The following DNAH8 variants were observed in gnomAD, a reference collection of about 807,000 sequenced individuals.
DNAH8 encodes the protein axonemal beta dynein heavy chain 8.
A neutral mutation model predicts 562.1 loss-of-function variants in DNAH8; 382 were observed. That is an observed-to-expected ratio of 0.68 (90% CI 0.63 to 0.74). The LOEUF (loss-of-function observed/expected upper bound fraction) is 0.74. DNAH8 is among the 30% of genes least tolerant of loss of function. The pLI is 0.00. For missense variants in DNAH8, 5,203 were observed against 5,620.4 expected (o/e 0.93, Z 2.37); for synonymous variants, 1,881 against 1,919.4 (o/e 0.98, Z 0.52).
intron 88 of DNAH8, among the ~76,000 whole-genome samples, chr6:38,996,539 C>T (rs918333498): frequency 1.3e-5 from 2 of 152,210 alleles, no homozygotes; most frequent in African/African-American, 4.8e-5. Context: ...AAAAGACAAG[C>T]TCTCTGCCAT....
intron 7 of DNAH8, among the ~76,000 whole-genome samples, chr6:38,740,436 GT>G (rs955331061): frequency 1.3e-5 from 2 of 152,084 alleles, no homozygotes; most frequent in African/African-American, 2.4e-5. Flanking sequence ...TTAATTTCTA[GT>G]TATCTTATCA....
intron 89 of DNAH8, 115 bp from the exon 90 acceptor site, chr6:39,012,100 T>A: frequency 1.5e-6 from 1 of 683,986 alleles, no homozygotes; most frequent in South Asian, 2.9e-5. Context: ...TAGAATTCAT[T>A]TGGGCTGGTA....
chr6:38,808,482 C>G (rs914795988), intron 24 of DNAH8, among the ~76,000 whole-genome samples: 1 of 152,190 alleles, frequency 6.6e-6, no homozygotes, highest in Non-Finnish European at 1.5e-5. Context: ...TGTTGTTTCT[C>G]TTCCTTAAAA....
At chr6:39,029,814 G>C (rs1360953783) in intron 92 of DNAH8, among the ~76,000 whole-genome samples, 2 of 152,138 alleles carry the variant, frequency 1.3e-5, no homozygotes, top group Admixed American at 1.3e-4. Context: ...CCTCCCTATA[G>C]AGGTGATCTG....
intron 91 of DNAH8, among the ~76,000 whole-genome samples, chr6:39,014,080 G>A (rs1766408899): frequency 6.6e-6 from 1 of 151,982 alleles, no homozygotes; most frequent in Non-Finnish European, 1.5e-5. Flanking sequence ...ATTGTCCTTT[G>A]TATACATACA....
chr6:39,022,759 G>A (rs930340697), intron 91 of DNAH8, among the ~76,000 whole-genome samples: 1 of 152,226 alleles, frequency 6.6e-6, no homozygotes, highest in Non-Finnish European at 1.5e-5. Context: ...AAGGGCCTGG[G>A]AGGGAGGGCC....
chr6:39,026,663 C>T lies in DNAH8; in HGVS notation c.13832C>T (p.Pro4611Leu). 1 of 1,613,174 alleles carries T rather than the reference C, an allele frequency of 6.2e-7. No individual in the cohort carries two copies. The highest frequency in any genetic ancestry group is 8.5e-7 in the Non-Finnish European group (1 of 1,179,876). ...RQTKEEITSP[P>L]GEGVYIYGLY... ...ACCAAGGAGGAGATCACGTCACCCC[C>T]TGGGGTAGGCGTTGCTGGGCAATAG... The change falls in exon 92 of 93, where the codon CCT becomes CTT. Residue 4611 changes from proline to leucine, a missense_variant. Physicochemically the swap from Pro to Leu is moderately conservative, Grantham distance 98 (BLOSUM62 -3). Around this residue, in one of 6 missense-constraint regions of DNAH8, gnomAD observed 1,399 missense variants for 1,518.4 expected, o/e 0.92. Transcript: ENST00000327475.
intron 79 of DNAH8, among the ~76,000 whole-genome samples, chr6:38,943,160 T>A (rs923061036): frequency 1.7e-4 from 26 of 152,198 alleles, no homozygotes; most frequent in African/African-American, 6.0e-4. Flanking sequence ...GGATGTGGCA[T>A]GAACAGAACA....
chr6:38,938,375 G>C, intron 78 of DNAH8, 149 bp downstream of exon 78: 1 of 909,966 alleles, frequency 1.1e-6, no homozygotes, highest in African/African-American at 1.7e-5. Flanking sequence ...ATAAAGAAAA[G>C]GTGGTACATA....
intron 18 of DNAH8, among the ~76,000 whole-genome samples, chr6:38,788,606 T>C (rs1247643933): frequency 1.3e-5 from 2 of 152,220 alleles, no homozygotes; most frequent in African/African-American, 4.8e-5. Flanking sequence ...TCTATTCAGA[T>C]CCTTTGCTCA....
chr6:38,923,864 TG>T, intron 72 of DNAH8, 126 bp from the exon 73 acceptor site: 1 of 1,087,316 alleles, frequency 9.2e-7, no homozygotes, highest in Non-Finnish European at 1.3e-6. Context: ...TTTCCATGCC[TG>T]GCTACCAAGC....
chr6:38,827,992 C>A (rs1186065740), intron 29 of DNAH8, among the ~76,000 whole-genome samples, 192 bp from the exon 30 acceptor site: 1 of 151,866 alleles, frequency 6.6e-6, no homozygotes, highest in Non-Finnish European at 1.5e-5. Context: ...GATTTCAGAG[C>A]CTGTGATCCA....
At chr6:38,995,141 G>C (rs1765055236) in intron 88 of DNAH8, among the ~76,000 whole-genome samples, 1 of 142,614 alleles carries the variant, frequency 7.0e-6, no homozygotes. Context: ...GTTGAATTTT[G>C]TTGAATACCT....
chr6:38,938,047 A>C lies in DNAH8; in HGVS notation c.11637A>C (p.Glu3879Asp). ...AGCAGACAGCAGCTGAGGTAAGTGA[A>C]AAGTTGCATGTGGCTGCAGAAACTG... Reference protein sequence around the residue: ...TTKQTAAEVSEKLHVAAETEI... With the variant: ...TTKQTAAEVSDKLHVAAETEI... The change falls in exon 78 of 93, where the codon GAA becomes GAC. Residue 3879 changes from glutamate to aspartate, a missense_variant. Physicochemically the swap from Glu to Asp is conservative, Grantham distance 45. This residue lies in a region of DNAH8 where 1,399 missense variants were observed against 1,518.4 expected (regional missense o/e 0.92). Coordinates refer to ENST00000327475, the MANE Select transcript of DNAH8 (RefSeq NM_001206927.2). The C allele has an allele frequency of 6.2e-7, 1 of 1,614,064 alleles. No homozygotes were observed. The highest frequency in any genetic ancestry group is 8.5e-7 in the Non-Finnish European group (1 of 1,180,020).
At chr6:38,771,423 T>TA (rs1361689708) in intron 12 of DNAH8, among the ~76,000 whole-genome samples, 16 of 152,222 alleles carry the variant, frequency 1.1e-4, no homozygotes, top group African/African-American at 3.1e-4. Flanking sequence ...TTTACCCACT[T>TA]ACAACTGTAC....
chr6:38,769,790 T>C (rs72849159), intron 11 of DNAH8, among the ~76,000 whole-genome samples: 18,659 of 152,238 alleles, frequency 0.12, 1,399 homozygotes, highest in Admixed American at 0.22. Flanking sequence ...TGAGAAATGG[T>C]GTTATGATAA....
chr6:38,942,648 C>G (rs1783554274), intron 79 of DNAH8, among the ~76,000 whole-genome samples: 1 of 152,178 alleles, frequency 6.6e-6, no homozygotes, highest in African/African-American at 2.4e-5. Context: ...TACCTGCAGA[C>G]AAAGGACCAA....
In DNAH8 at chr6:38,909,680, G is replaced by T; in HGVS notation, c.9676G>T (p.Val3226Phe). The T allele has an allele frequency of 1.2e-6, 2 of 1,614,074 alleles. No homozygotes were observed. The highest frequency in any genetic ancestry group is 1.7e-6 in the Non-Finnish European group (2 of 1,179,972). The part of the protein sequence containing the change: ...IVCSSEIKRQ[V>F]VETMGLFHDM... Reference sequence around the variant, plus strand: ...CTGCTCTAGTGAAATTAAAAGACAAGTTGTAGAAACAATGGGCCTGTTTCA... The same window carrying T: ...CTGCTCTAGTGAAATTAAAAGACAATTTGTAGAAACAATGGGCCTGTTTCA... The change falls in exon 65 of 93, where the codon GTT becomes TTT. Residue 3226 changes from valine (V) to phenylalanine (F), a missense_variant. Physicochemically the swap from Val to Phe is conservative, Grantham distance 50. Transcript: ENST00000327475.
chr6:38,792,691 A>G (rs1190429416), intron 21 of DNAH8, among the ~76,000 whole-genome samples: 1 of 152,326 alleles, frequency 6.6e-6, no homozygotes, highest in East Asian at 1.9e-4. Flanking sequence ...AAAAGCACAA[A>G]GACAGGAACC....
Sources: allele counts gnomAD v4.1 joint callset (sites outside exome capture counted in the v4.1 genomes callset), GRCh38; gene constraint gnomAD v4.1.1; regional missense constraint gnomAD v4.1.1; transcripts MANE v1.5; gene names NCBI Gene and HGNC (gene_info 2026-07-23, HGNC 2026-07-21).